Variants in RNF13 observed in about 807,000 individuals in gnomAD.
The protein encoded by RNF13 is E3 ubiquitin-protein ligase RNF13.
Under a neutral mutation model 37.7 loss-of-function variants are expected in RNF13, and 19 were observed. That is an observed-to-expected ratio of 0.50 (90% CI 0.35 to 0.74). RNF13 has a LOEUF of 0.74. Among genes scored for constraint, RNF13 ranks in the 30% least tolerant of loss-of-function variants. The probability of loss-of-function intolerance (pLI) is 0.01; values close to 1 mark genes in which losing one functional copy is unlikely to be tolerated. For synonymous variants in RNF13, 144 were observed against 157.8 expected, an observed-to-expected ratio of 0.91 and a Z score of 0.65; for missense variants, 375 against 453.0, an observed-to-expected ratio of 0.83 and a Z score of 1.56.
At chr3:149,866,732 G>C (rs1711497582) in intron 3 of RNF13, among the ~76,000 whole-genome samples, 2 of 152,072 alleles carry the variant, frequency 1.3e-5, no homozygotes, top group South Asian at 4.1e-4. Flanking sequence ...TTAGTATGTA[G>C]TAGTTTCATT....
At chr3:149,895,388 T>C in intron 4 of RNF13, 85 bp from the exon 5 acceptor site, 1 of 776,280 alleles carries the variant, frequency 1.3e-6, no homozygotes, top group South Asian at 1.8e-5. Flanking sequence ...TTTATTTACT[T>C]CAGTAAGTTT....
intron 8 of RNF13, among the ~76,000 whole-genome samples, chr3:149,949,885 C>T (rs1329259440): frequency 1.3e-5 from 2 of 151,920 alleles, no homozygotes; most frequent in Non-Finnish European, 2.9e-5. Flanking sequence ...TTTATTGCTT[C>T]TATTCTTTTC....
intron 4 of RNF13, among the ~76,000 whole-genome samples, chr3:149,888,913 G>T (rs1186177301): frequency 6.6e-6 from 1 of 152,176 alleles, no homozygotes; most frequent in African/African-American, 2.4e-5. Flanking sequence ...CATTTTATTA[G>T]AAGTTTGTTT....
Position 149,958,265 on chromosome 3 carries a change from C to T in RNF13, c.701-1791C>T, listed in dbSNP as rs529691522. ...CACAGGGCCAAAACCAAGGTGTCAG[C>T]AGGACTGTGTTCCTTTCTGGAGGTT... is the stretch of plus-strand genomic sequence containing the variant. On this transcript the variant is annotated intron_variant, in intron 8 of 9. Transcript: ENST00000392894. Among the ~76,000 whole-genome samples the T allele has an allele frequency of 1.1e-3, 171 of 152,294 alleles. 5 individuals carry two copies. Among genetic ancestry groups the T allele is most frequent in the Non-Finnish European group, 1.2e-3 (84 of 68,028 alleles).
chr3:149,918,962 TA>T (rs1236484476), intron 7 of RNF13, among the ~76,000 whole-genome samples: 1 of 152,234 alleles, frequency 6.6e-6, no homozygotes, highest in Non-Finnish European at 1.5e-5. Flanking sequence ...ACGGTGGATT[TA>T]ATCCATTTAA....
At chr3:149,957,282 A>G (rs1291550163) in intron 8 of RNF13, among the ~76,000 whole-genome samples, 1 of 152,086 alleles carries the variant, frequency 6.6e-6, no homozygotes, top group Non-Finnish European at 1.5e-5. Context: ...TTAGTGGGGG[A>G]AAAACTGGAT....
At chr3:149,943,035 A>T (rs76623410) in intron 8 of RNF13, among the ~76,000 whole-genome samples, 1,947 of 152,176 alleles carry the variant, frequency 0.013, 34 homozygotes, top group African/African-American at 0.044. Context: ...AATAAGTCCC[A>T]CTGGTCATGG....
At chr3:149,852,415 A>C in intron 2 of RNF13, 101 bp from the exon 3 acceptor site, 1 of 491,584 alleles carries the variant, frequency 2.0e-6, no homozygotes, top group East Asian at 3.5e-5. Context: ...GATAGTAATC[A>C]GAATTGTCAA....
intron 8 of RNF13, among the ~76,000 whole-genome samples, chr3:149,953,245 C>T (rs1721515706): frequency 6.6e-6 from 1 of 152,096 alleles, no homozygotes; most frequent in Non-Finnish European, 1.5e-5. Context: ...TCACTGCATT[C>T]ATGAAATAAT....
At chr3:149,944,819 T>C (rs1236384779) in intron 8 of RNF13, among the ~76,000 whole-genome samples, 1 of 152,204 alleles carries the variant, frequency 6.6e-6, no homozygotes, top group African/African-American at 2.4e-5. Flanking sequence ...TTTAGTTAGA[T>C]CCCATTTGTC....
chr3:149,875,967 TACG>T (rs1712640497), intron 4 of RNF13, among the ~76,000 whole-genome samples: 1 of 6,842 alleles, frequency 1.5e-4, no homozygotes, highest in Non-Finnish European at 2.7e-4. Flanking sequence ...CAGTGAGAAA[TACG>T]ACTTTAAAAA....
chr3:149,825,916 A>G (rs1720455249), intron 1 of RNF13, among the ~76,000 whole-genome samples: 1 of 152,164 alleles, frequency 6.6e-6, no homozygotes. Context: ...AAGTTTCCTG[A>G]TGCCCTTTTG....
At chr3:149,888,182 A>C (rs1184846988) in intron 4 of RNF13, among the ~76,000 whole-genome samples, 3 of 152,156 alleles carry the variant, frequency 2.0e-5, no homozygotes, top group Non-Finnish European at 4.4e-5. Flanking sequence ...TTAGTAATAA[A>C]ATTATGACTT....
intron 6 of RNF13, among the ~76,000 whole-genome samples, chr3:149,903,643 A>G (rs1716076340): frequency 6.6e-6 from 1 of 151,470 alleles, no homozygotes; most frequent in Non-Finnish European, 1.5e-5. Context: ...AAGTTTACAA[A>G]CTCTCTTATC....
chr3:149,829,064 A>G (rs918020110), intron 1 of RNF13, among the ~76,000 whole-genome samples: 2 of 152,184 alleles, frequency 1.3e-5, no homozygotes, highest in East Asian at 1.9e-4. Flanking sequence ...AACAATTGGT[A>G]TGAAGGCCCT....
At chr3:149,819,427 G>A in intron 1 of RNF13, among the ~76,000 whole-genome samples, 1 of 149,614 alleles carries the variant, frequency 6.7e-6, no homozygotes. Flanking sequence ...CCTTAATAAT[G>A]GATCATAATA....
intron 1 of RNF13, among the ~76,000 whole-genome samples, chr3:149,845,143 G>A (rs2108373112): frequency 6.6e-6 from 1 of 152,260 alleles, no homozygotes; most frequent in East Asian, 1.9e-4. Flanking sequence ...GAGATTCAGA[G>A]TTTGAGTCTA....
At position 149,923,440 on chromosome 3, in the gene RNF13, AC is replaced by A. The variant is rs1718339663; in HGVS notation, c.700+2214del. On this transcript the variant is annotated intron_variant, in intron 8 of 9. Coordinates refer to ENST00000392894, the MANE Select transcript of RNF13 (RefSeq NM_183381.3). ...AGAACTAGTTTGAAGATTAGGAATT[AC>A]TTTTTTAGGCTTCATTTTGTGTGTT... Among the ~76,000 whole-genome samples the A allele has an allele frequency of 4.6e-5, 7 of 152,144 alleles. No homozygotes were observed. In the South Asian group the frequency reaches 1.5e-3, roughly 32 times the overall value.
intron 1 of RNF13, among the ~76,000 whole-genome samples, chr3:149,821,385 T>C (rs760793400): frequency 3.3e-5 from 5 of 152,208 alleles, no homozygotes; most frequent in Non-Finnish European, 7.4e-5. Context: ...GGTATCTCAC[T>C]GTGGTTTTGA....
Sources: allele counts gnomAD v4.1 joint callset (sites outside exome capture counted in the v4.1 genomes callset), GRCh38; gene constraint gnomAD v4.1.1; transcripts MANE v1.5; gene names NCBI Gene and HGNC (gene_info 2026-07-23, HGNC 2026-07-21).